Variants in NCKAP5 observed in about 807,000 individuals in gnomAD.
NCKAP5 encodes the protein nck-associated protein 5.
A neutral mutation model predicts 167.0 loss-of-function variants in NCKAP5; 92 were observed. That is an observed-to-expected ratio of 0.55 (90% CI 0.47 to 0.66). NCKAP5 has a LOEUF of 0.66. Ranked by LOEUF, NCKAP5 falls within the 30% of genes least tolerant of loss-of-function variation. NCKAP5 has a pLI of 0.00. For synonymous variants in NCKAP5, 891 were observed against 877.4 expected, an observed-to-expected ratio of 1.02 and a Z score of -0.27; for missense variants, 2,378 against 2,315.0, an observed-to-expected ratio of 1.03 and a Z score of -0.56.
intron 3 of NCKAP5, among the ~76,000 whole-genome samples, chr2:133,465,159 T>TC (rs1206455817): frequency 3.5e-5 from 2 of 57,392 alleles, no homozygotes; most frequent in Non-Finnish European, 6.2e-5. Flanking sequence ...CCCTCCCCCC[T>TC]CCCCCCACCC....
At chr2:133,204,700 G>C (rs956497899) in intron 5 of NCKAP5, among the ~76,000 whole-genome samples, 5 of 152,098 alleles carry the variant, frequency 3.3e-5, no homozygotes, top group African/African-American at 1.2e-4. Flanking sequence ...CAAGTTTACT[G>C]GGAAACAGAA....
At chr2:133,498,347 T>C (rs972162959) in intron 3 of NCKAP5, among the ~76,000 whole-genome samples, 9 of 150,544 alleles carry the variant, frequency 6.0e-5, no homozygotes, top group African/African-American at 1.7e-4. Flanking sequence ...GCAGGATGTG[T>C]ATGAGGGAGA....
chr2:132,924,448 G>C (rs1695691371), intron 8 of NCKAP5, among the ~76,000 whole-genome samples: 1 of 152,134 alleles, frequency 6.6e-6, no homozygotes, highest in Admixed American at 6.5e-5. Context: ...ATTACAGATA[G>C]GTCACTCCTT....
At position 132,776,698 on chromosome 2, in the gene NCKAP5, A is replaced by T. The variant is rs990042007; in HGVS notation, c.5050-2804T>A. Among the ~76,000 whole-genome samples the T allele has an allele frequency of 1.4e-4, 22 of 152,104 alleles. No individual in the cohort carries two copies. In the South Asian group the frequency reaches 1.5e-3, roughly 10 times the overall value. On this transcript the variant is annotated intron_variant, in intron 15 of 19. Transcript: ENST00000409261. ...TTTCAATGCAAAGTGGTGAGTAATT[A>T]AAAAAAATCCATTTGCCTATGGAAA...
chr2:132,932,126 C>T (rs1040815477), intron 8 of NCKAP5, among the ~76,000 whole-genome samples: 2 of 152,160 alleles, frequency 1.3e-5, no homozygotes, highest in African/African-American at 4.8e-5. Flanking sequence ...TGTAACTATG[C>T]TAAAAATCAA....
chr2:133,052,713 T>C (rs933130401), intron 6 of NCKAP5, among the ~76,000 whole-genome samples: 3 of 147,402 alleles, frequency 2.0e-5, no homozygotes, highest in Non-Finnish European at 4.5e-5. Context: ...AGAGAAACTC[T>C]GTCACAAAAA....
chr2:133,112,337 G>A (rs888846694), intron 6 of NCKAP5, among the ~76,000 whole-genome samples: 3 of 152,058 alleles, frequency 2.0e-5, no homozygotes, highest in Non-Finnish European at 2.9e-5. Flanking sequence ...AGCCGGGTAC[G>A]GCAGCATGTG....
intron 6 of NCKAP5, among the ~76,000 whole-genome samples, chr2:132,997,215 G>C (rs1426404042): frequency 6.6e-6 from 1 of 152,086 alleles, no homozygotes; most frequent in African/African-American, 2.4e-5. Context: ...CAGACAACTG[G>C]GACAGGCCAG....
the NCKAP5 span, among the ~76,000 whole-genome samples, chr2:133,654,184 C>A: frequency 6.6e-6 from 1 of 152,096 alleles, no homozygotes; most frequent in East Asian, 1.9e-4. Flanking sequence ...GAGTTCGAGA[C>A]CAGCCTGGCC....
At chr2:133,293,344 C>T (rs1490778128) in intron 4 of NCKAP5, among the ~76,000 whole-genome samples, 1 of 152,166 alleles carries the variant, frequency 6.6e-6, no homozygotes, top group East Asian at 1.9e-4. Context: ...CCCCAGAAAA[C>T]CTGGATTCAA....
intron 19 of NCKAP5, among the ~76,000 whole-genome samples, chr2:132,718,332 A>G (rs1419239422): frequency 1.3e-5 from 2 of 152,248 alleles, no homozygotes; most frequent in African/African-American, 4.8e-5. Context: ...CTCAAAGAAC[A>G]GATATTGGAA....
At chr2:132,972,480 C>G (rs896174525) in intron 7 of NCKAP5, among the ~76,000 whole-genome samples, 6 of 152,122 alleles carry the variant, frequency 3.9e-5, no homozygotes. Context: ...AATCCCAGCA[C>G]TTTGGAAGGC....
intron 5 of NCKAP5, among the ~76,000 whole-genome samples, chr2:133,192,357 G>C (rs2085263090): frequency 6.6e-6 from 1 of 152,074 alleles, no homozygotes; most frequent in Non-Finnish European, 1.5e-5. Flanking sequence ...TACGCAAATA[G>C]TTCTTAGACT....
At chr2:133,074,159 AT>A (rs2080515408) in intron 6 of NCKAP5, among the ~76,000 whole-genome samples, 1 of 152,242 alleles carries the variant, frequency 6.6e-6, no homozygotes, top group Non-Finnish European at 1.5e-5. Context: ...TCCCAAAAAA[AT>A]ATTTGTCTCT....
intron 3 of NCKAP5, among the ~76,000 whole-genome samples, chr2:133,365,345 G>C (rs192365415): frequency 2.0e-5 from 3 of 152,196 alleles, no homozygotes; most frequent in African/African-American, 4.8e-5. Context: ...TGAACTTTTG[G>C]TGTATGTGTA....
intron 6 of NCKAP5, among the ~76,000 whole-genome samples, chr2:132,996,045 C>A (rs79551874): frequency 0.037 from 5,694 of 152,188 alleles, 353 homozygotes; most frequent in African/African-American, 0.13. Flanking sequence ...ACTAGGCCTA[C>A]GCAGGGTCAG....
At chr2:133,157,082 C>T (rs982065494) in intron 5 of NCKAP5, among the ~76,000 whole-genome samples, 2 of 152,230 alleles carry the variant, frequency 1.3e-5, no homozygotes, top group African/African-American at 4.8e-5. Context: ...CTGTTCCCAA[C>T]ACAATGCCAA....
chr2:133,294,570 A>G (rs981502697), intron 4 of NCKAP5, among the ~76,000 whole-genome samples: 1 of 152,230 alleles, frequency 6.6e-6, no homozygotes, highest in African/African-American at 2.4e-5. Context: ...CTCTCTCTCA[A>G]TTTAGAGCTG....
chr2:132,765,000 A>G (rs1330398817), intron 16 of NCKAP5, among the ~76,000 whole-genome samples: 2 of 152,246 alleles, frequency 1.3e-5, no homozygotes, highest in African/African-American at 4.8e-5. Context: ...CAGCTACAGT[A>G]CTAGAAGACC....
Sources: gnomAD v4.1 joint callset for allele counts (sites outside exome capture counted in the v4.1 genomes callset) on GRCh38, gnomAD v4.1.1 for gene constraint, MANE v1.5 for transcripts, NCBI Gene and HGNC (gene_info 2026-07-23, HGNC 2026-07-21) for gene names.